Variants in TOM1 observed in about 807,000 individuals in gnomAD.
TOM1 encodes the protein target of myb1 membrane trafficking protein, also known as target of Myb protein 1.
A neutral mutation model predicts 61.3 loss-of-function variants in TOM1; 38 were observed. The observed-to-expected ratio is 0.62, with a 90% confidence interval of 0.48 to 0.81. The LOEUF (loss-of-function observed/expected upper bound fraction) is 0.81. TOM1 is among the 40% of genes least tolerant of loss of function. The pLI is 0.00. For synonymous variants in TOM1, 270 were observed against 268.8 expected (o/e 1.00, Z -0.04); for missense variants, 591 against 659.6 (o/e 0.90, Z 1.14).
At chr22:35,344,065 A>C (rs1441643412) in intron 12 of TOM1, 2 of 151,924 alleles carry the variant, frequency 1.3e-5, no homozygotes, top group East Asian at 3.9e-4. Flanking sequence ...ACCTACACAC[A>C]CCCCTACACA....
intron 2 of TOM1, among the ~76,000 whole-genome samples, chr22:35,318,719 C>T (rs1927519096): frequency 6.6e-6 from 1 of 152,224 alleles, no homozygotes. Context: ...TGCGAGGGTC[C>T]CTGTCCTCTC....
Position 35,323,446 on chromosome 22 carries a change from G to A in TOM1, c.367-50G>A, listed in dbSNP as rs1029879523. The A allele has an allele frequency of 6.2e-7, 1 of 1,603,824 alleles. No individual in the cohort carries two copies. The highest frequency in any genetic ancestry group is 8.5e-7 in the Non-Finnish European group (1 of 1,174,810). ...CTCTGTCTGAGTGCCAGGTGGGCAG[G>A]CTCACAGGTGAGCTGTGGTTACCGG... On this transcript the variant is annotated intron_variant, in intron 4 of 14. Coordinates refer to ENST00000449058, the MANE Select transcript of TOM1 (RefSeq NM_005488.3). The surrounding 1 kb of genome is among the most constrained non-coding windows in gnomAD (Gnocchi z 4.2).
intron 8 of TOM1, among the ~76,000 whole-genome samples, chr22:35,331,712 C>T (rs1226432860): frequency 1.3e-5 from 2 of 152,004 alleles, no homozygotes; most frequent in Non-Finnish European, 2.9e-5. Flanking sequence ...GGTGAAACCC[C>T]GTCTCTACTA....
chr22:35,310,736 G>C (rs1926748812), intron 1 of TOM1, among the ~76,000 whole-genome samples: 1 of 152,178 alleles, frequency 6.6e-6, no homozygotes, highest in Non-Finnish European at 1.5e-5. Context: ...AGGTACTGCA[G>C]GTTTATCATG....
At chr22:35,310,679 T>G (rs1926744543) in intron 1 of TOM1, among the ~76,000 whole-genome samples, 1 of 152,238 alleles carries the variant, frequency 6.6e-6, no homozygotes, top group Non-Finnish European at 1.5e-5. Context: ...AAAGGTTTAT[T>G]GTGCTGGTGA....
Position 35,339,948 on chromosome 22 carries a change from C to T in TOM1, c.1224+1160C>T, listed in dbSNP as rs1361277370. 2.6e-5 allele frequency among the ~76,000 whole-genome samples: 4 copies of T among 151,676 alleles called. No homozygotes were observed. In the East Asian group the frequency reaches 7.8e-4, roughly 29 times the overall value. On this transcript the variant is annotated intron_variant, in intron 12 of 14. Coordinates refer to ENST00000449058, the MANE Select transcript of TOM1 (RefSeq NM_005488.3). ...GACCCTAAAGCAGCGGGGAGAAATG[C>T]GAGGGTGCTCTTTGAATTCCGTTTA...
intron 1 of TOM1, among the ~76,000 whole-genome samples, chr22:35,303,426 G>A (rs574353393): frequency 1.3e-5 from 2 of 151,934 alleles, no homozygotes; most frequent in South Asian, 4.2e-4. Context: ...ATAGTCCTCT[G>A]AGAGTGTCTC....
rs771242580 is a variant in TOM1, at chr22:35,346,966, G to A, written c.1321G>A (p.Glu441Lys). Residue 441 changes from glutamate (E) to lysine (K), a missense_variant, in exon 14 of 15, where the codon GAA becomes AAA. Physicochemically the swap from Glu to Lys is moderately conservative, Grantham distance 56 (BLOSUM62 1). Transcript: ENST00000449058. ...GGAAGAGCCTAAGGGGGTCACCAGC[G>A]AAGGTAGTAGTCCCCGCCCCTGCCC... Reference protein sequence around the residue: ...DAEEPKGVTSEEFDKFLEERA... With the variant: ...DAEEPKGVTSKEFDKFLEERA... 2.2e-4 allele frequency: 359 copies of A among 1,612,762 alleles called. No individual in the cohort carries two copies. The highest frequency in any genetic ancestry group is 3.0e-4 in the Non-Finnish European group (349 of 1,179,536).
intron 2 of TOM1, 169 bp from the exon 3 acceptor site, chr22:35,321,790 A>G (rs1927813362): frequency 1.4e-6 from 1 of 734,162 alleles, no homozygotes; most frequent in Non-Finnish European, 2.5e-6. Context: ...AGTCCCTGCT[A>G]AGCAATGGGC....
chr22:35,312,070 TG>T (rs1293264677), intron 1 of TOM1, among the ~76,000 whole-genome samples: 14 of 151,714 alleles, frequency 9.2e-5, no homozygotes, highest in African/African-American at 1.9e-4. Context: ...CTGGCCAAGG[TG>T]GTGAAACCTC....
At chr22:35,329,581 G>A (rs962979567) in intron 7 of TOM1, among the ~76,000 whole-genome samples, 3 of 152,154 alleles carry the variant, frequency 2.0e-5, no homozygotes, top group African/African-American at 4.8e-5. Flanking sequence ...AAAAAATCAG[G>A]CAGTGAGAAA....
At chr22:35,330,512 T>C in intron 8 of TOM1, 32 bp downstream of exon 8, 1 of 1,584,850 alleles carries the variant, frequency 6.3e-7, no homozygotes, top group Non-Finnish European at 8.6e-7. Flanking sequence ...GCCTCTGGCC[T>C]ACTGCCCCAA....
chr22:35,334,727 C>T (rs1405564065), intron 11 of TOM1, among the ~76,000 whole-genome samples: 1 of 152,122 alleles, frequency 6.6e-6, no homozygotes, highest in East Asian at 1.9e-4. Flanking sequence ...GAAACTGAGG[C>T]ACAGAGAGGG....
At chr22:35,302,951 G>T (rs755670421) in intron 1 of TOM1, among the ~76,000 whole-genome samples, 4 of 152,066 alleles carry the variant, frequency 2.6e-5, no homozygotes. Context: ...TGTAAACCAG[G>T]CCCCTCCTTG....
intron 1 of TOM1, among the ~76,000 whole-genome samples, chr22:35,303,341 G>A (rs1926021152): frequency 6.6e-6 from 1 of 151,912 alleles, no homozygotes; most frequent in Admixed American, 6.6e-5. Flanking sequence ...TTTGGGCTCT[G>A]AATCTCCGCT....
chr22:35,345,789 G>A lies in TOM1; in HGVS notation c.1284+5G>A, dbSNP rs370310071. ...CAGTGGCTGTCCACTGACGTGGTAT[G>A]TTGGGGCCCACTCCTCACCCACACA... is the stretch of plus-strand genomic sequence containing the variant. On this transcript the variant is annotated splice_donor_5th_base_variant and intron_variant, in intron 13 of 14. Coordinates refer to ENST00000449058, the MANE Select transcript of TOM1 (RefSeq NM_005488.3). 1.4e-4 allele frequency: 232 copies of A among 1,613,774 alleles called. No homozygotes were observed. The highest frequency in any genetic ancestry group is 1.8e-4 in the Non-Finnish European group (210 of 1,179,996).
intron 8 of TOM1, 125 bp downstream of exon 8, chr22:35,330,605 G>C (rs1928758691): frequency 1.0e-6 from 1 of 979,920 alleles, no homozygotes. Flanking sequence ...CACAAGGCAG[G>C]CTCCTAAGGG....
In TOM1 at chr22:35,334,453, G is replaced by A; in HGVS notation, c.1148+5G>A. The stretch of plus-strand genomic sequence containing the variant: ...ACTGGCTGACCAACGGAAAGAGTGA[G>A]TGGCCTGGCCCTGCCCTGGTCCCCT... On this transcript the variant is annotated splice_donor_5th_base_variant and intron_variant, in intron 11 of 14. Coordinates refer to ENST00000449058, the MANE Select transcript of TOM1 (RefSeq NM_005488.3). 1 of 1,613,884 alleles carries A rather than the reference G, an allele frequency of 6.2e-7. No homozygotes were observed. Among genetic ancestry groups the A allele is most frequent in the East Asian group, 2.2e-5 (1 of 44,886 alleles).
chr22:35,317,370 G>A (rs1927384060), intron 1 of TOM1, among the ~76,000 whole-genome samples: 2 of 152,030 alleles, frequency 1.3e-5, no homozygotes. Context: ...TTTGTAGTTA[G>A]TAAAGACGGG....
Sources: allele counts gnomAD v4.1 joint callset (sites outside exome capture counted in the v4.1 genomes callset), GRCh38; gene constraint gnomAD v4.1.1; non-coding constraint Gnocchi (gnomAD v3.1); transcripts MANE v1.5; gene names NCBI Gene and HGNC (gene_info 2026-07-23, HGNC 2026-07-21).